Variants in DAPK1 observed in about 807,000 individuals in gnomAD.
DAPK1 encodes death associated protein kinase 1, also known as death-associated protein kinase 1.
Under a neutral mutation model 144.9 loss-of-function variants are expected in DAPK1, and 56 were observed. The ratio of observed to expected loss-of-function variants is 0.39; its 90% CI spans 0.31 to 0.48. The LOEUF is 0.48. Among genes scored for constraint, DAPK1 ranks in the 20% least tolerant of loss-of-function variants. The probability of loss-of-function intolerance (pLI) is 0.95; values close to 1 mark genes in which losing one functional copy is unlikely to be tolerated. For synonymous variants in DAPK1, 690 were observed against 749.0 expected, an observed-to-expected ratio of 0.92 and a Z score of 1.29; for missense variants, 1,454 against 1,875.4, an observed-to-expected ratio of 0.78 and a Z score of 4.15.
chr9:87,619,977 C>T (rs199599036), intron 3 of DAPK1, among the ~76,000 whole-genome samples: 2 of 152,204 alleles, frequency 1.3e-5, no homozygotes, highest in Non-Finnish European at 2.9e-5. Flanking sequence ...CCATGGCACT[C>T]ACCCCAATCT....
rs370372612 is a variant in DAPK1, at chr9:87,697,186, C to T, written c.2593C>T (p.Pro865Ser). Residue 865 changes from proline (P) to serine (S), a missense_variant, in exon 22 of 26, where the codon CCA becomes TCA. Physicochemically the swap from Pro to Ser is moderately conservative, Grantham distance 74 (BLOSUM62 -1). Transcript: ENST00000408954. ...GCTCAGTTTCCTGAAGTCCCTTGTC[C>T]CAGTTGAAGAACCCATAGGTGAGCT... The part of the protein sequence containing the change: ...FWLSFLKSLV[P>S]VEEPIAFGGK... The T allele has an allele frequency of 1.4e-5, 21 of 1,553,588 alleles. No individual in the cohort carries two copies. The highest frequency in any genetic ancestry group is 1.6e-5 in the Non-Finnish European group (18 of 1,124,836).
At chr9:87,511,103 C>T (rs777904399) in intron 2 of DAPK1, among the ~76,000 whole-genome samples, 2 of 152,152 alleles carry the variant, frequency 1.3e-5, no homozygotes, top group African/African-American at 4.8e-5. Context: ...GCTCACTTCT[C>T]CTCAGTTTCA....
At chr9:87,634,186 T>G (rs1189317865) in intron 3 of DAPK1, among the ~76,000 whole-genome samples, 2 of 152,158 alleles carry the variant, frequency 1.3e-5, no homozygotes, top group Non-Finnish European at 2.9e-5. Flanking sequence ...CAGAGCTGAG[T>G]AGTTGGGACA....
intron 2 of DAPK1, among the ~76,000 whole-genome samples, chr9:87,578,652 C>T (rs182654593): frequency 1.3e-5 from 2 of 152,326 alleles, no homozygotes; most frequent in Admixed American, 1.3e-4. Context: ...TGGCTATTAT[C>T]TTAAAATACA....
chr9:87,663,757 G>A (rs1830949102), intron 18 of DAPK1, among the ~76,000 whole-genome samples: 1 of 152,028 alleles, frequency 6.6e-6, no homozygotes, highest in Non-Finnish European at 1.5e-5. Context: ...CACCTTCAGA[G>A]GCCCTCGGCC....
chr9:87,702,948 A>T, intron 24 of DAPK1, 81 bp from the exon 25 acceptor site: 1 of 679,196 alleles, frequency 1.5e-6, no homozygotes, highest in South Asian at 1.8e-5. Flanking sequence ...GCCTGAATGA[A>T]AGGTGTCCTT....
chr9:87,634,752 T>C (rs909789824), intron 3 of DAPK1, among the ~76,000 whole-genome samples: 11 of 152,116 alleles, frequency 7.2e-5, no homozygotes, highest in Non-Finnish European at 1.5e-4. Context: ...ACCGCTGCAG[T>C]GCCTGTCCCT....
At chr9:87,691,014 TTG>T (rs1352693518) in intron 21 of DAPK1, among the ~76,000 whole-genome samples, 1 of 152,026 alleles carries the variant, frequency 6.6e-6, no homozygotes, top group Admixed American at 6.6e-5. Flanking sequence ...TTTTCTGGTT[TTG>T]TTATCATGGC....
At chr9:87,625,373 C>T (rs530522792) in intron 3 of DAPK1, among the ~76,000 whole-genome samples, 84 of 152,316 alleles carry the variant, frequency 5.5e-4, no homozygotes, top group African/African-American at 1.8e-3. Context: ...GGGAGAGAGC[C>T]TTGGTTGGTA....
At chr9:87,584,096 C>G (rs1026946936) in intron 2 of DAPK1, among the ~76,000 whole-genome samples, 1 of 152,016 alleles carries the variant, frequency 6.6e-6, no homozygotes, top group African/African-American at 2.4e-5. Context: ...TTACTGTGTA[C>G]AACATGATGT....
At chr9:87,615,242 T>G (rs1829055152) in intron 3 of DAPK1, among the ~76,000 whole-genome samples, 1 of 152,244 alleles carries the variant, frequency 6.6e-6, no homozygotes, top group Admixed American at 6.5e-5. Context: ...CTTCTTCTAT[T>G]TAACAACTCT....
chr9:87,665,295 G>A (rs764447296), intron 18 of DAPK1, among the ~76,000 whole-genome samples: 6 of 152,016 alleles, frequency 3.9e-5, no homozygotes, highest in Non-Finnish European at 7.4e-5. Flanking sequence ...TGCATAATAC[G>A]CACTCAGTAA....
At chr9:87,702,691 A>G (rs7025642) in intron 24 of DAPK1, among the ~76,000 whole-genome samples, 41,080 of 151,972 alleles carry the variant, frequency 0.27, 6,192 homozygotes, top group East Asian at 0.44. Context: ...TATTTGAGCA[A>G]TAGATGAGGC....
intron 2 of DAPK1, among the ~76,000 whole-genome samples, chr9:87,557,898 G>A (rs537177937): frequency 2.0e-5 from 3 of 152,250 alleles, no homozygotes; most frequent in South Asian, 4.1e-4. Context: ...CTGAGATGAT[G>A]ACATTGCACT....
chr9:87,548,851 A>G (rs1224874260), intron 2 of DAPK1, among the ~76,000 whole-genome samples: 1 of 146,482 alleles, frequency 6.8e-6, no homozygotes, highest in Non-Finnish European at 1.5e-5. Flanking sequence ...TCCACCCTCC[A>G]CAGTAGGTTG....
intron 2 of DAPK1, among the ~76,000 whole-genome samples, chr9:87,516,078 G>C (rs1367585313): frequency 6.6e-6 from 1 of 152,184 alleles, no homozygotes; most frequent in East Asian, 1.9e-4. Flanking sequence ...CCTCTGAAGG[G>C]ATGCAGATGA....
intron 2 of DAPK1, among the ~76,000 whole-genome samples, chr9:87,514,051 A>G (rs1008608609): frequency 6.6e-6 from 1 of 152,158 alleles, no homozygotes; most frequent in African/African-American, 2.4e-5. Context: ...AGACATTGCT[A>G]AATGTGTGAG....
At chr9:87,670,211 T>C (rs1171496222) in intron 19 of DAPK1, among the ~76,000 whole-genome samples, 2 of 152,018 alleles carry the variant, frequency 1.3e-5, no homozygotes, top group East Asian at 2.0e-4. Flanking sequence ...CCGTGAGTCG[T>C]GGTTACCATT....
At chr9:87,672,169 G>T (rs112666436) in intron 19 of DAPK1, among the ~76,000 whole-genome samples, 2 of 152,190 alleles carry the variant, frequency 1.3e-5, no homozygotes, top group African/African-American at 4.8e-5. Flanking sequence ...TTGGAACCCC[G>T]CAGACCACTC....
Sources: gnomAD v4.1 joint callset for allele counts (sites outside exome capture counted in the v4.1 genomes callset) on GRCh38, gnomAD v4.1.1 for gene constraint, MANE v1.5 for transcripts, NCBI Gene and HGNC (gene_info 2026-07-23, HGNC 2026-07-21) for gene names.